The following PDE4D variants were observed in gnomAD, a reference collection of about 807,000 sequenced individuals.
The protein encoded by PDE4D is 3',5'-cyclic-AMP phosphodiesterase 4D.
PDE4D carries 24 observed loss-of-function variants against 87.4 expected under a neutral mutation model. The observed-to-expected ratio is 0.27, with a 90% CI of 0.20 to 0.39. PDE4D has a LOEUF of 0.39. PDE4D is among the 10% of genes least tolerant of loss of function. The pLI is 1.00. For synonymous variants in PDE4D, 384 were observed against 383.2 expected (o/e 1.00, Z -0.02); for missense variants, 714 against 1,041.0 (o/e 0.69, Z 4.32).
intron 2 of PDE4D, among the ~76,000 whole-genome samples, chr5:60,081,857 A>G (rs1221640000): frequency 6.6e-6 from 1 of 152,182 alleles, no homozygotes; most frequent in African/African-American, 2.4e-5. Context: ...CAATTCCTCA[A>G]TGCACAGGAA....
At chr5:59,866,744 T>C (rs1747093303) in intron 1 of PDE4D, among the ~76,000 whole-genome samples, 1 of 152,220 alleles carries the variant, frequency 6.6e-6, no homozygotes, top group South Asian at 2.1e-4. Context: ...CATTCCTTCC[T>C]GTAGAAAGTC....
intron 1 of PDE4D, among the ~76,000 whole-genome samples, chr5:60,340,682 A>G (rs988418105): frequency 6.6e-6 from 1 of 152,234 alleles, no homozygotes; most frequent in African/African-American, 2.4e-5. Flanking sequence ...TTTACAGAAT[A>G]AAGTGGCTAT....
At chr5:59,897,834 A>G (rs1751823775), upstream of PDE4D, among the ~76,000 whole-genome samples, 1 of 152,042 alleles carries the variant, frequency 6.6e-6, no homozygotes, top group African/African-American at 2.4e-5. Flanking sequence ...AAAAGGCTAA[A>G]CTCCTGTCTA....
At chr5:59,915,333 GGAA>G (rs1388470043) in intron 3 of PDE4D, among the ~76,000 whole-genome samples, 2 of 152,244 alleles carry the variant, frequency 1.3e-5, no homozygotes, top group African/African-American at 2.4e-5. Context: ...TGAGTCCATA[GGAA>G]GAAGAATAGA....
At chr5:60,425,187 A>C (rs1743578052) in intron 1 of PDE4D, among the ~76,000 whole-genome samples, 1 of 152,224 alleles carries the variant, frequency 6.6e-6, no homozygotes, top group South Asian at 2.1e-4. Flanking sequence ...AAACTACTTT[A>C]AAGTTCATAT....
chr5:59,002,774 A>G (rs774007594), intron 6 of PDE4D, among the ~76,000 whole-genome samples: 3 of 152,184 alleles, frequency 2.0e-5, no homozygotes, highest in Admixed American at 6.5e-5. Context: ...TTAACCCACA[A>G]AGCCATGAAA....
intron 1 of PDE4D, among the ~76,000 whole-genome samples, chr5:59,483,374 T>G (rs1376326492): frequency 6.6e-6 from 1 of 152,200 alleles, no homozygotes; most frequent in African/African-American, 2.4e-5. Flanking sequence ...TAAGTAAATA[T>G]GTATCTCACA....
intron 3 of PDE4D, among the ~76,000 whole-genome samples, chr5:59,936,271 T>C (rs1358575623): frequency 6.6e-6 from 1 of 151,878 alleles, no homozygotes; most frequent in Non-Finnish European, 1.5e-5. Flanking sequence ...AAATGACGAG[T>C]TAATGGGTGC....
At chr5:59,853,647 A>G (rs1744999814) in intron 1 of PDE4D, among the ~76,000 whole-genome samples, 1 of 152,086 alleles carries the variant, frequency 6.6e-6, no homozygotes, top group African/African-American at 2.4e-5. Context: ...TCTTTAAACT[A>G]TAAATGTATG....
intron 1 of PDE4D, among the ~76,000 whole-genome samples, chr5:59,301,074 C>A (rs1015552618): frequency 2.0e-5 from 3 of 152,134 alleles, no homozygotes; most frequent in African/African-American, 4.8e-5. Flanking sequence ...AAGTGTTCAG[C>A]TATGTGGAAG....
chr5:59,380,388 C>A (rs999760197), intron 1 of PDE4D, among the ~76,000 whole-genome samples: 107 of 108,832 alleles, frequency 9.8e-4, no homozygotes, highest in East Asian at 2.8e-3. Context: ...CAAAAGCAAT[C>A]AAAAAAAAAA....
intron 2 of PDE4D, among the ~76,000 whole-genome samples, chr5:60,038,542 T>C (rs994793707): frequency 6.6e-6 from 1 of 152,080 alleles, no homozygotes; most frequent in African/African-American, 2.4e-5. Context: ...GTAGTATAGT[T>C]TGAAGTCAGG....
intron 1 of PDE4D, among the ~76,000 whole-genome samples, chr5:59,839,756 A>G (rs1742693030): frequency 6.6e-6 from 1 of 151,964 alleles, no homozygotes. Flanking sequence ...TGCATCAAAG[A>G]GCATATAGGA....
intron 3 of PDE4D, among the ~76,000 whole-genome samples, chr5:59,936,030 A>T (rs926613417): frequency 6.6e-6 from 1 of 152,228 alleles, no homozygotes; most frequent in Non-Finnish European, 1.5e-5. Context: ...AGGAATTGCC[A>T]CACTGACTTC....
intron 1 of PDE4D, among the ~76,000 whole-genome samples, chr5:59,500,775 T>C (rs1378028367): frequency 2.0e-5 from 3 of 151,982 alleles, no homozygotes; most frequent in Non-Finnish European, 2.9e-5. Flanking sequence ...AATAAGAAAA[T>C]ACAATAAAGA....
In PDE4D at chr5:60,185,639, A is replaced by G. The variant is rs759500783; in HGVS notation, c.-41T>C. 48 of 1,341,112 alleles carry G rather than the reference A, an allele frequency of 3.6e-5. No individual in the cohort carries two copies. In the East Asian group the frequency reaches 1.1e-3, roughly 32 times the overall value. 83.1% of individuals were successfully genotyped at this position (1,341,112 alleles called of 1,614,324 possible). On this transcript the variant is annotated 5_prime_UTR_variant, in exon 2 of 17. Coordinates refer to the PDE4D transcript ENST00000502484. ...AATTAAAATGGGAACTAGTGTTTCCAGTGTCAATGATCTCACTGCACGTAT... is the reference window on the plus strand; with the variant it reads ...AATTAAAATGGGAACTAGTGTTTCCGGTGTCAATGATCTCACTGCACGTAT...
chr5:59,220,707 C>G (rs1027813954), intron 1 of PDE4D, among the ~76,000 whole-genome samples: 3 of 151,922 alleles, frequency 2.0e-5, no homozygotes, highest in Non-Finnish European at 4.4e-5. Flanking sequence ...TATCAATAGT[C>G]CACATCGTGG....
At chr5:60,480,746 T>C (rs1748668153) in intron 1 of PDE4D, among the ~76,000 whole-genome samples, 1 of 152,178 alleles carries the variant, frequency 6.6e-6, no homozygotes, top group African/African-American at 2.4e-5. Flanking sequence ...ATAATACATA[T>C]ACTTAAAATA....
intron 1 of PDE4D, chr5:59,357,123 G>A (rs1201105093): frequency 5.7e-6 from 2 of 348,778 alleles, no homozygotes; most frequent in African/African-American, 2.1e-5. Context: ...ACACTCCCTC[G>A]AAAATTTGTT....
Sources: gnomAD v4.1 joint callset for allele counts (sites outside exome capture counted in the v4.1 genomes callset) on GRCh38, gnomAD v4.1.1 for gene constraint, MANE v1.5 for transcripts, NCBI Gene and HGNC (gene_info 2026-07-23, HGNC 2026-07-21) for gene names.